The following PRKCE variants were observed in gnomAD, a reference collection of about 807,000 sequenced individuals.
PRKCE encodes the protein protein kinase C epsilon type.
PRKCE carries 16 observed loss-of-function variants against 85.4 expected under a neutral mutation model. That is an observed-to-expected ratio of 0.19 (90% confidence interval 0.13 to 0.28). PRKCE has a LOEUF of 0.28. PRKCE is among the 10% of genes least tolerant of loss of function. The pLI is 1.00. For missense variants in PRKCE, 573 were observed against 975.2 expected, an observed-to-expected ratio of 0.59 and a Z score of 5.49; for synonymous variants, 388 against 371.5, an observed-to-expected ratio of 1.04 and a Z score of -0.51.
intron 2 of PRKCE, among the ~76,000 whole-genome samples, chr2:45,946,169 C>T (rs1700229999): frequency 6.6e-6 from 1 of 152,202 alleles, no homozygotes; most frequent in Non-Finnish European, 1.5e-5. Flanking sequence ...GAGGAGGAGC[C>T]CTGCATCCCT....
chr2:45,987,263 G>C (rs61756871), intron 6 of PRKCE, among the ~76,000 whole-genome samples: 5,276 of 152,182 alleles, frequency 0.035, 130 homozygotes, highest in Non-Finnish European at 0.047. Context: ...GCAGAATTAG[G>C]ATGCCTGGAG....
chr2:45,741,456 G>A (rs1682561691), intron 1 of PRKCE, among the ~76,000 whole-genome samples: 1 of 125,794 alleles, frequency 7.9e-6, no homozygotes, highest in African/African-American at 2.7e-5. Flanking sequence ...TCTTCCTGGG[G>A]CCAGTAGCAC....
intron 13 of PRKCE, among the ~76,000 whole-genome samples, chr2:46,156,038 TAATAA>T (rs1211414179): frequency 8.3e-6 from 1 of 120,526 alleles, no homozygotes; most frequent in Non-Finnish European, 1.8e-5. Context: ...CAAAAAAAAA[TAATAA>T]AATGTTTGTT....
intron 10 of PRKCE, chr2:46,073,701 G>A (rs1411387204): frequency 6.6e-6 from 1 of 152,016 alleles, no homozygotes; most frequent in African/African-American, 2.4e-5. Flanking sequence ...GACTAATCAG[G>A]GACCCAAACT....
chr2:45,793,175 G>A (rs1687165868), intron 1 of PRKCE, among the ~76,000 whole-genome samples: 1 of 152,228 alleles, frequency 6.6e-6, no homozygotes, highest in African/African-American at 2.4e-5. Context: ...TAAACAAAAT[G>A]TCCTGGAAAG....
intron 1 of PRKCE, among the ~76,000 whole-genome samples, chr2:45,715,996 C>T (rs1467557644): frequency 6.6e-6 from 1 of 152,190 alleles, no homozygotes; most frequent in Non-Finnish European, 1.5e-5. Flanking sequence ...ACATTCTCAG[C>T]TGAGTCTTTC....
rs535195011 is a variant in PRKCE, at chr2:45,938,909, C to A, written c.413-37520C>A. On this transcript the variant is annotated intron_variant, in intron 2 of 14. Transcript: ENST00000306156. ...AGTTACACATGGTGGGCACCTCATTCGTAACTCTTTCTAGCACATTCAGCG... is the reference window on the plus strand; with the variant it reads ...AGTTACACATGGTGGGCACCTCATTAGTAACTCTTTCTAGCACATTCAGCG... Among the ~76,000 whole-genome samples the A allele has an allele frequency of 7.2e-5, 11 of 152,254 alleles. No homozygotes were observed. In the South Asian group the frequency reaches 2.1e-3, roughly 29 times the overall value.
chr2:45,862,299 C>T (rs920140365), intron 2 of PRKCE, among the ~76,000 whole-genome samples: 3 of 151,822 alleles, frequency 2.0e-5, no homozygotes, highest in African/African-American at 7.3e-5. Context: ...CTTCCATTTC[C>T]CTCCAACAGT....
chr2:46,172,042 A>C (rs749714261), intron 14 of PRKCE, among the ~76,000 whole-genome samples: 1 of 152,190 alleles, frequency 6.6e-6, no homozygotes, highest in Non-Finnish European at 1.5e-5. Context: ...GGCCTCAGGA[A>C]TGGTTTCAGA....
intron 10 of PRKCE, among the ~76,000 whole-genome samples, chr2:46,038,354 GA>G (rs993863421): frequency 2.3e-4 from 34 of 148,246 alleles, no homozygotes; most frequent in East Asian, 7.9e-4. Flanking sequence ...TCTAAACTAG[GA>G]AAAAAAAAAG....
At chr2:45,725,763 G>A (rs1042004861) in intron 1 of PRKCE, among the ~76,000 whole-genome samples, 34 of 151,792 alleles carry the variant, frequency 2.2e-4, no homozygotes, top group African/African-American at 6.5e-4. Flanking sequence ...CCCGGGAGGC[G>A]GAGGTTGCAG....
intron 11 of PRKCE, among the ~76,000 whole-genome samples, chr2:46,102,693 G>A (rs1020960121): frequency 6.6e-6 from 1 of 152,158 alleles, no homozygotes; most frequent in Non-Finnish European, 1.5e-5. Context: ...ACTATTTGAG[G>A]AATAGTGGTC....
chr2:45,692,832 G>C (rs938229211), intron 1 of PRKCE, among the ~76,000 whole-genome samples: 3 of 152,160 alleles, frequency 2.0e-5, no homozygotes, highest in Non-Finnish European at 4.4e-5. Context: ...CTGTGGGTGA[G>C]TTTGCCCTGG....
intron 2 of PRKCE, among the ~76,000 whole-genome samples, chr2:45,903,668 T>A (rs1156845406): frequency 2.0e-5 from 3 of 152,214 alleles, no homozygotes; most frequent in Admixed American, 6.5e-5. Flanking sequence ...TAACCCCATG[T>A]AAGATGTTCA....
intron 1 of PRKCE, among the ~76,000 whole-genome samples, chr2:45,758,933 C>T (rs570742186): frequency 1.3e-5 from 2 of 152,178 alleles, no homozygotes; most frequent in East Asian, 1.9e-4. Context: ...GGGAGTCCGG[C>T]GTGTTGTCTT....
intron 11 of PRKCE, among the ~76,000 whole-genome samples, chr2:46,103,438 C>T (rs1025475152): frequency 6.6e-6 from 1 of 152,092 alleles, no homozygotes; most frequent in Non-Finnish European, 1.5e-5. Context: ...TCTTGTAGTC[C>T]CTCTCAAAGG....
At chr2:45,712,561 T>C (rs925884816) in intron 1 of PRKCE, among the ~76,000 whole-genome samples, 2 of 152,200 alleles carry the variant, frequency 1.3e-5, no homozygotes, top group African/African-American at 4.8e-5. Context: ...TCTCTCCTCC[T>C]TGGCAAGGCC....
At chr2:45,762,774 C>T (rs1325347030) in intron 1 of PRKCE, among the ~76,000 whole-genome samples, 3 of 152,132 alleles carry the variant, frequency 2.0e-5, no homozygotes, top group African/African-American at 2.4e-5. Flanking sequence ...AGCAACCTAA[C>T]GGAAACCTGA....
chr2:45,992,044 A>T (rs1395271017), intron 6 of PRKCE, among the ~76,000 whole-genome samples: 2 of 152,234 alleles, frequency 1.3e-5, no homozygotes, highest in Admixed American at 1.3e-4. Flanking sequence ...AGTTCTCTAG[A>T]AACTTGCACT....
Sources: gnomAD v4.1 joint callset for allele counts (sites outside exome capture counted in the v4.1 genomes callset) on GRCh38, gnomAD v4.1.1 for gene constraint, MANE v1.5 for transcripts, NCBI Gene and HGNC (gene_info 2026-07-23, HGNC 2026-07-21) for gene names.